The following FIG4 variants were observed in gnomAD, a reference collection of about 807,000 sequenced individuals.
The protein encoded by FIG4 is polyphosphoinositide phosphatase.
Under a neutral mutation model 118.6 loss-of-function variants are expected in FIG4, and 112 were observed. The observed-to-expected ratio is 0.94, with a 90% CI of 0.81 to 1.11. The LOEUF is 1.11. Ranked by LOEUF, FIG4 falls within the 50% of genes least tolerant of loss-of-function variation. The probability of loss-of-function intolerance (pLI) is 0.00; values close to 1 mark genes in which losing one functional copy is unlikely to be tolerated. For synonymous variants in FIG4, 369 were observed against 381.2 expected (o/e 0.97, Z 0.37); for missense variants, 969 against 1,111.7 (o/e 0.87, Z 1.83).
Position 109,724,018 on chromosome 6 carries a change from G to A in FIG4, c.290-3091G>A, listed in dbSNP as rs115274735. ...ATTGGTTTTTGACATTAATTATCAA[G>A]AGTCCATGAAGTTTGTTCTTTTGGG... On this transcript the variant is annotated intron_variant, in intron 3 of 22. Coordinates refer to ENST00000230124, the MANE Select transcript of FIG4 (RefSeq NM_014845.6). Among the ~76,000 whole-genome samples, 446 of 152,146 alleles carry A rather than the reference G, an allele frequency of 2.9e-3. 3 individuals carry two copies. The highest frequency in any genetic ancestry group is 0.01 in the African/African-American group (432 of 41,514).
chr6:109,724,975 C>T (rs1371334222), intron 3 of FIG4, among the ~76,000 whole-genome samples: 3 of 152,090 alleles, frequency 2.0e-5, no homozygotes, highest in Non-Finnish European at 4.4e-5. Flanking sequence ...AAAACTAAAG[C>T]TCTATACCCA....
At position 109,727,229 on chromosome 6, in the gene FIG4, A is replaced by C. The variant is rs1188590666; in HGVS notation, c.410A>C (p.Asn137Thr). ...VEDTNMIYIP[N>T]DSVRVTHPDE... ...GATACAAATATGATCTATATACCCA[A>C]TGATTCTGTACGGGTTACTCATCCT... The change falls in exon 4 of 23, where the codon AAT (asparagine) becomes ACT (threonine). Residue 137 changes from asparagine to threonine, a missense_variant. Physicochemically the swap from Asn to Thr is moderately conservative, Grantham distance 65 (BLOSUM62 0). Around this residue, in one of 3 missense-constraint regions of FIG4, gnomAD observed 393 missense variants for 409.4 expected, o/e 0.96. Transcript: ENST00000230124. 6.2e-7 allele frequency: 1 copy of C among 1,612,622 alleles called. No homozygotes were observed. The highest frequency in any genetic ancestry group is 8.5e-7 in the Non-Finnish European group (1 of 1,178,970).
chr6:109,713,935 G>A (rs1775348497), intron 1 of FIG4, among the ~76,000 whole-genome samples: 1 of 152,130 alleles, frequency 6.6e-6, no homozygotes, highest in East Asian at 1.9e-4. Context: ...CCAGTCTGAT[G>A]GGCAAGAGCG....
chr6:109,741,632 G>A (rs1488073049), intron 8 of FIG4, 88 bp downstream of exon 8: 2 of 892,412 alleles, frequency 2.2e-6, no homozygotes, highest in African/African-American at 3.3e-5. Flanking sequence ...TTTAAGAAGT[G>A]GTATTTCTTA....
chr6:109,728,979 A>G (rs1775901328), intron 4 of FIG4, among the ~76,000 whole-genome samples: 1 of 152,170 alleles, frequency 6.6e-6, no homozygotes, highest in Non-Finnish European at 1.5e-5. Context: ...AGAATAAGAT[A>G]CAATTATATT....
intron 10 of FIG4, among the ~76,000 whole-genome samples, chr6:109,744,356 A>T (rs1191408130): frequency 6.6e-6 from 1 of 152,178 alleles, no homozygotes. Context: ...ATGAATGGGC[A>T]TACAGGTCAA....
chr6:109,806,399 A>G (rs1192073898), intron 22 of FIG4, among the ~76,000 whole-genome samples: 4 of 152,148 alleles, frequency 2.6e-5, no homozygotes, highest in African/African-American at 7.2e-5. Context: ...TAGAGATACA[A>G]AGGGATAATC....
chr6:109,771,958 C>CCCCTCCAGCCACAGT (rs1286265646), intron 15 of FIG4, among the ~76,000 whole-genome samples: 1 of 152,166 alleles, frequency 6.6e-6, no homozygotes, highest in East Asian at 1.9e-4. Flanking sequence ...ATCCCACATG[C>CCCCTCCAGCCACAGT]CCCTCCAGCC....
At chr6:109,750,834 C>T (rs974254127) in intron 10 of FIG4, among the ~76,000 whole-genome samples, 1 of 152,062 alleles carries the variant, frequency 6.6e-6, no homozygotes, top group African/African-American at 2.4e-5. Flanking sequence ...CTCCATCCCA[C>T]GAAATGTCAG....
chr6:109,790,188 T>A (rs1236250150), intron 19 of FIG4, among the ~76,000 whole-genome samples: 1 of 152,184 alleles, frequency 6.6e-6, no homozygotes, highest in Non-Finnish European at 1.5e-5. Context: ...CATGAGAACC[T>A]CTTTCCCTTC....
intron 7 of FIG4, among the ~76,000 whole-genome samples, chr6:109,740,665 G>C (rs896741463): frequency 1.6e-4 from 24 of 152,114 alleles, no homozygotes; most frequent in African/African-American, 5.8e-4. Context: ...TGTCACCTCA[G>C]TATTACATAT....
At chr6:109,821,445 T>G (rs1450945025) in intron 22 of FIG4, among the ~76,000 whole-genome samples, 1 of 151,970 alleles carries the variant, frequency 6.6e-6, no homozygotes, top group Non-Finnish European at 1.5e-5. Context: ...CTACAGACAA[T>G]GAAATCATGC....
At chr6:109,782,864 A>G (rs145004963) in intron 16 of FIG4, among the ~76,000 whole-genome samples, 27 of 152,350 alleles carry the variant, frequency 1.8e-4, no homozygotes, top group African/African-American at 6.0e-4. Context: ...TAGGTCACTT[A>G]CAACACATCT....
At chr6:109,813,567 T>G (rs1165845620) in intron 22 of FIG4, among the ~76,000 whole-genome samples, 2 of 152,190 alleles carry the variant, frequency 1.3e-5, no homozygotes, top group East Asian at 1.9e-4. Context: ...AGAATAGGCA[T>G]TGATTTGGGT....
Position 109,791,557 on chromosome 6 carries a change from G to A in FIG4, c.2362G>A (p.Ala788Thr). Residue 788 changes from alanine to threonine, a missense_variant, in exon 20 of 23, where the codon GCC becomes ACC. By Grantham distance (58) the Ala-to-Thr change is moderately conservative (BLOSUM62 0). Transcript: ENST00000230124. ...PVKMTDAGDS[A>T]KVTENVVQPM... ...GAAGATGACTGATGCAGGAGACAGT[G>A]CCAAAGTGACCGAGGTGCGGGGGAG... is the stretch of plus-strand genomic sequence containing the variant. 6.2e-7 allele frequency: 1 copy of A among 1,613,882 alleles called. No homozygotes were observed. The highest frequency in any genetic ancestry group is 8.5e-7 in the Non-Finnish European group (1 of 1,179,974).
At chr6:109,753,946 G>C (rs1776796348) in intron 10 of FIG4, among the ~76,000 whole-genome samples, 2 of 152,104 alleles carry the variant, frequency 1.3e-5, no homozygotes, top group Non-Finnish European at 2.9e-5. Context: ...TCTCCTGCCT[G>C]ATTGCCCTAG....
intron 10 of FIG4, among the ~76,000 whole-genome samples, chr6:109,751,036 A>C (rs1219142256): frequency 6.6e-6 from 1 of 152,172 alleles, no homozygotes; most frequent in Non-Finnish European, 1.5e-5. Context: ...GCTGTGCTCA[A>C]TAGCTACCCC....
chr6:109,731,305 T>C (rs1223833160), intron 4 of FIG4, among the ~76,000 whole-genome samples: 1 of 152,192 alleles, frequency 6.6e-6, no homozygotes, highest in Non-Finnish European at 1.5e-5. Context: ...AAATGCACGT[T>C]ATCTATAGTG....
chr6:109,714,774 T>A (rs1337341122), intron 1 of FIG4, among the ~76,000 whole-genome samples: 1 of 152,214 alleles, frequency 6.6e-6, no homozygotes, highest in Non-Finnish European at 1.5e-5. Flanking sequence ...AGCTTAAACA[T>A]CAGCCTCCAA....
Sources: allele counts gnomAD v4.1 joint callset (sites outside exome capture counted in the v4.1 genomes callset), GRCh38; gene constraint gnomAD v4.1.1; regional missense constraint gnomAD v4.1.1; transcripts MANE v1.5; gene names NCBI Gene and HGNC (gene_info 2026-07-23, HGNC 2026-07-21).